The following MYLK4 variants were observed in gnomAD, a reference collection of about 807,000 sequenced individuals.
The protein encoded by MYLK4 is myosin light chain kinase family member 4, also known as caMLCK like.
Under a neutral mutation model 48.1 loss-of-function variants are expected in MYLK4, and 46 were observed. The observed-to-expected ratio is 0.96, with a 90% CI of 0.75 to 1.22. The LOEUF is 1.22. Ranked by LOEUF, MYLK4 falls within the 50% of genes most tolerant of loss-of-function variation. MYLK4 has a pLI of 0.00. For missense variants in MYLK4, 451 were observed against 486.1 expected (o/e 0.93, Z 0.68); for synonymous variants, 170 against 180.8 (o/e 0.94, Z 0.48).
Position 2,672,468 on chromosome 6 carries a change from G to GT in MYLK4, c.1120-1121dup, listed in dbSNP as rs1044615642. On this transcript the variant is annotated intron_variant, in intron 11 of 12. Coordinates refer to ENST00000274643, the MANE Select transcript of MYLK4 (RefSeq NM_001012418.5). This position sits in a 1 kb window ranked among gnomAD's most constrained non-coding sequence, Gnocchi z 4.3. ...TAGTGACAGTCAATATGCTACTCAA[G>GT]TGGTTACAAAATAGTAAGTGCTTTT... is the stretch of plus-strand genomic sequence containing the variant. Among the ~76,000 whole-genome samples the GT allele has an allele frequency of 3.3e-5, 5 of 152,194 alleles. No homozygotes were observed. The highest frequency in any genetic ancestry group is 7.2e-5 in the African/African-American group (3 of 41,436).
intron 2 of MYLK4, among the ~76,000 whole-genome samples, chr6:2,731,089 G>A (rs1218155446): frequency 6.6e-6 from 1 of 152,150 alleles, no homozygotes; most frequent in Non-Finnish European, 1.5e-5. Flanking sequence ...ATCAGAAGAG[G>A]TTATATGGAA....
At chr6:2,727,239 A>C (rs56824496) in intron 2 of MYLK4, among the ~76,000 whole-genome samples, 3,199 of 152,290 alleles carry the variant, frequency 0.021, 104 homozygotes, top group African/African-American at 0.074. Flanking sequence ...AAATGAAGCC[A>C]CTGCTCAGCC....
rs930962967 is a variant in MYLK4, at chr6:2,724,442, G to A, written c.159+24694C>T. On this transcript the variant is annotated intron_variant, in intron 2 of 12. Coordinates refer to ENST00000274643, the MANE Select transcript of MYLK4 (RefSeq NM_001012418.5). ...GGCCAGGGAGAAATCAATCACTAAC[G>A]CAGGGGGAAAGGTATGCAGGGACCT... Among the ~76,000 whole-genome samples, 6 of 152,192 alleles carry A rather than the reference G, an allele frequency of 3.9e-5. No individual in the cohort carries two copies. In the South Asian group the frequency reaches 6.2e-4, roughly 16 times the overall value.
intron 2 of MYLK4, among the ~76,000 whole-genome samples, chr6:2,702,506 C>T (rs1469286290): frequency 2.0e-5 from 3 of 151,970 alleles, no homozygotes; most frequent in African/African-American, 7.3e-5. Context: ...GGAAGGAAGG[C>T]GGAAAGATGA....
At chr6:2,766,137 GCGATGGCGA>G in the MYLK4 span, 1 of 1,241,114 alleles carries the variant, frequency 8.1e-7, no homozygotes, top group South Asian at 2.2e-5. Flanking sequence ...GTGGGCGACG[GCGATGGCGA>G]CGGGGACGCG....
intron 2 of MYLK4, chr6:2,744,142 A>G: frequency 5.4e-5 from 1 of 18,520 alleles, no homozygotes. Context: ...TGCCCTGAGG[A>G]GTGGGTGTCA....
intron 2 of MYLK4, among the ~76,000 whole-genome samples, chr6:2,696,323 A>G (rs1334547372): frequency 6.6e-6 from 1 of 152,186 alleles, no homozygotes; most frequent in Non-Finnish European, 1.5e-5. Flanking sequence ...TTCCTTATGG[A>G]TTGAATGTAT....
the MYLK4 span, among the ~76,000 whole-genome samples, chr6:2,762,625 G>T: frequency 6.6e-6 from 1 of 152,222 alleles, no homozygotes; most frequent in African/African-American, 2.4e-5. Flanking sequence ...CTTCTGTGAT[G>T]CTCCTGCAAT....
upstream of MYLK4, among the ~76,000 whole-genome samples, chr6:2,752,393 T>C (rs538181137): frequency 7.0e-6 from 1 of 143,800 alleles, no homozygotes; most frequent in African/African-American, 2.7e-5. Flanking sequence ...TGTTGCTGGG[T>C]TTTTTTTTTC....
the MYLK4 span, among the ~76,000 whole-genome samples, chr6:2,756,646 G>T: frequency 1.3e-5 from 2 of 152,148 alleles, no homozygotes; most frequent in Admixed American, 1.3e-4. Context: ...GATTATTTCC[G>T]CCCTTTCCCT....
the MYLK4 span, chr6:2,765,993 C>T: frequency 6.5e-6 from 9 of 1,383,738 alleles, no homozygotes; most frequent in African/African-American, 4.5e-5. Flanking sequence ...CGCCTTATCC[C>T]CGACTTCCCG....
the MYLK4 span, chr6:2,765,521 C>G: frequency 1.6e-6 from 2 of 1,288,672 alleles, no homozygotes; most frequent in Non-Finnish European, 2.0e-6. Context: ...GTTCCCCGAG[C>G]GAGGGTCTCG....
chr6:2,687,282 G>C (rs1378304096), intron 4 of MYLK4, among the ~76,000 whole-genome samples: 1 of 152,212 alleles, frequency 6.6e-6, no homozygotes, highest in Non-Finnish European at 1.5e-5. Context: ...TCTGCATTTT[G>C]AAGGCATCCA....
upstream of MYLK4, among the ~76,000 whole-genome samples, chr6:2,751,695 G>T (rs917535251): frequency 6.6e-6 from 1 of 152,046 alleles, no homozygotes; most frequent in East Asian, 1.9e-4. Context: ...GCCCCTCTAT[G>T]CCCCATTCTA....
At position 2,664,782 on chromosome 6, in the gene MYLK4, A is replaced by G. The variant is rs564077929; in HGVS notation, c.*3143T>C. The G allele has an allele frequency of 4.6e-5, 7 of 152,360 alleles. No individual in the cohort carries two copies. Among genetic ancestry groups the G allele is most frequent in the East Asian group, 3.9e-4 (2 of 5,188 alleles). The allele number at this position is 152,360 out of a possible 1,614,324, so 9.4% of individuals were successfully genotyped here. On this transcript the variant is annotated 3_prime_UTR_variant, in exon 13 of 13. Coordinates refer to ENST00000274643, the MANE Select transcript of MYLK4 (RefSeq NM_001012418.5). ...AACAAACTTATGGCACTCAACAGAC[A>G]TGAGTGTTACCAGCTTCAACCTAGA...
At chr6:2,704,694 A>G (rs1006747381) in intron 2 of MYLK4, among the ~76,000 whole-genome samples, 2 of 152,196 alleles carry the variant, frequency 1.3e-5, no homozygotes, top group Non-Finnish European at 2.9e-5. Flanking sequence ...GCCACATTTT[A>G]CTTTATTATG....
chr6:2,690,847 T>TTTTTC (rs1761758013), intron 3 of MYLK4, among the ~76,000 whole-genome samples: 2 of 134,432 alleles, frequency 1.5e-5, no homozygotes, highest in Non-Finnish European at 3.2e-5. Flanking sequence ...TTTTTTTTTT[T>TTTTTC]GAGACCGAGT....
At chr6:2,756,283 A>G in the MYLK4 span, among the ~76,000 whole-genome samples, 1 of 152,026 alleles carries the variant, frequency 6.6e-6, no homozygotes, top group African/African-American at 2.4e-5. Context: ...ATGGACATAC[A>G]CTCCCTATAT....
At chr6:2,676,229 A>G (rs572172107) in intron 10 of MYLK4, among the ~76,000 whole-genome samples, 3 of 152,390 alleles carry the variant, frequency 2.0e-5, no homozygotes, top group African/African-American at 7.2e-5. Context: ...CAATCGCTTC[A>G]TCAGATACCA....
Sources: gnomAD v4.1 joint callset for allele counts (sites outside exome capture counted in the v4.1 genomes callset) on GRCh38, gnomAD v4.1.1 for gene constraint, Gnocchi (gnomAD v3.1) non-coding constraint, MANE v1.5 for transcripts, NCBI Gene and HGNC (gene_info 2026-07-23, HGNC 2026-07-21) for gene names.